Variants in LMNA observed in about 807,000 individuals in gnomAD.
LMNA encodes lamin.
Under a neutral mutation model 70.4 loss-of-function variants are expected in LMNA, and 20 were observed. The ratio of observed to expected loss-of-function variants is 0.28; its 90% confidence interval spans 0.20 to 0.41. The LOEUF (loss-of-function observed/expected upper bound fraction) is 0.41. LMNA is among the 10% of genes least tolerant of loss of function. The pLI is 1.00. For synonymous variants in LMNA, 339 were observed against 372.8 expected (o/e 0.91, Z 1.04); for missense variants, 652 against 917.2 (o/e 0.71, Z 3.73).
intron 1 of LMNA, among the ~76,000 whole-genome samples, chr1:156,122,716 G>A (rs1024224328): frequency 6.6e-6 from 1 of 152,232 alleles, no homozygotes; most frequent in Non-Finnish European, 1.5e-5. Flanking sequence ...CGAAGGCCTA[G>A]GAGAGGCAGA....
At chr1:156,108,276 C>T (rs1169439031) in intron 3 of LMNA, among the ~76,000 whole-genome samples, 1 of 152,106 alleles carries the variant, frequency 6.6e-6, no homozygotes, top group Non-Finnish European at 1.5e-5. Context: ...TTGTTTAATA[C>T]CCTGTAGTCA....
intron 3 of LMNA, among the ~76,000 whole-genome samples, chr1:156,097,770 A>G (rs1444147386): frequency 6.6e-6 from 1 of 152,208 alleles, no homozygotes; most frequent in African/African-American, 2.4e-5. Flanking sequence ...GATACGGAGG[A>G]AAGCTGGCCA....
Position 156,127,464 on chromosome 1 carries a change from G to T in LMNA, c.357-3153G>T, listed in dbSNP as rs558897025. On this transcript the variant is annotated intron_variant, in intron 1 of 11. Transcript: ENST00000368300. ...TCCTTTAATCTCCTCTCTTTGCAGT[G>T]CTAGTCAAAACCTCCACCAGGGAAA... Among the ~76,000 whole-genome samples the T allele has an allele frequency of 2.7e-5, 4 of 149,182 alleles. No individual in the cohort carries two copies. The East Asian group carries it at 7.9e-4, about 29-fold the overall frequency.
chr1:156,131,296 A>T (rs747292396), intron 2 of LMNA, among the ~76,000 whole-genome samples: 60 of 151,474 alleles, frequency 4.0e-4, no homozygotes, highest in Non-Finnish European at 7.8e-4. Context: ...ATAATAATAA[A>T]AATAATCCAG....
chr1:156,088,366 T>A (rs564802588), intron 2 of LMNA, among the ~76,000 whole-genome samples: 1 of 152,336 alleles, frequency 6.6e-6, no homozygotes, highest in Non-Finnish European at 1.5e-5. Flanking sequence ...TAGCATTAAT[T>A]AATTTTAATC....
intron 3 of LMNA, among the ~76,000 whole-genome samples, chr1:156,096,202 G>A (rs1273469564): frequency 6.6e-6 from 1 of 152,118 alleles, no homozygotes; most frequent in Non-Finnish European, 1.5e-5. Context: ...TACACAGCCA[G>A]GGGCTCCCCC....
chr1:156,096,232 AAC>A (rs1421413025), intron 3 of LMNA, among the ~76,000 whole-genome samples: 1 of 152,108 alleles, frequency 6.6e-6, no homozygotes, highest in Non-Finnish European at 1.5e-5. Flanking sequence ...CTCTGCCTGG[AAC>A]ACACTTGCTT....
Position 156,115,712 on chromosome 1 carries a change from G to C in LMNA, c.356+438G>C, listed in dbSNP as rs1649782375. Among the ~76,000 whole-genome samples the C allele has an allele frequency of 6.6e-6, 1 of 152,232 alleles. No individual in the cohort carries two copies. The highest frequency in any genetic ancestry group is 1.5e-5 in the Non-Finnish European group (1 of 68,036). On this transcript the variant is annotated intron_variant, in intron 1 of 11. Coordinates refer to ENST00000368300, the MANE Select transcript of LMNA (RefSeq NM_170707.4). The surrounding 1 kb of genome is among the most constrained non-coding windows in gnomAD (Gnocchi z 5.8). The stretch of plus-strand genomic sequence containing the variant: ...GAACTTTGTTAGCGGGCTTGGCACT[G>C]TGCTAGCTTTGCCCAAGCTGGCTCT...
chr1:156,097,000 G>C (rs1648961749), intron 3 of LMNA, among the ~76,000 whole-genome samples: 1 of 152,222 alleles, frequency 6.6e-6, no homozygotes, highest in Non-Finnish European at 1.5e-5. Flanking sequence ...AACACGGCAG[G>C]GAAGGAAGTG....
chr1:156,138,367 G>T lies in LMNA; in HGVS notation c.1699-121G>T. 8.6e-7 allele frequency: 1 copy of T among 1,162,468 alleles called. No individual in the cohort carries two copies. The highest frequency in any genetic ancestry group is 1.2e-6 in the Non-Finnish European group (1 of 826,402). 72.0% of individuals were successfully genotyped at this position (1,162,468 alleles called of 1,614,324 possible). ...AACCCCCATTGCCCGCTGGCTCCTTGGGCACAGAACCACACCTTCCTGCCT... is the reference window on the plus strand; with the variant it reads ...AACCCCCATTGCCCGCTGGCTCCTTTGGCACAGAACCACACCTTCCTGCCT... On this transcript the variant is annotated intron_variant, in intron 10 of 11. Coordinates refer to ENST00000368300, the MANE Select transcript of LMNA (RefSeq NM_170707.4). This position sits in a 1 kb window ranked among gnomAD's most constrained non-coding sequence, Gnocchi z 5.5.
Position 156,135,130 on chromosome 1 carries a change from C to T in LMNA, c.811-57C>T. 1 of 1,613,216 alleles carries T rather than the reference C, an allele frequency of 6.2e-7. No homozygotes were observed. Among genetic ancestry groups the T allele is most frequent in the South Asian group, 1.1e-5 (1 of 90,934 alleles). ...CTGTAGCAGTGATGCCCAACTCAGG[C>T]CTGTGCCTCCACCCCTCCCAGTCAC... is the stretch of plus-strand genomic sequence containing the variant. On this transcript the variant is annotated intron_variant, in intron 4 of 11. Coordinates refer to ENST00000368300, the MANE Select transcript of LMNA (RefSeq NM_170707.4). The surrounding 1 kb of genome is among the most constrained non-coding windows in gnomAD (Gnocchi z 4.8).
At chr1:156,106,673 C>T (rs1454077468) in intron 3 of LMNA, 1 of 148,668 alleles carries the variant, frequency 6.7e-6, no homozygotes, top group Admixed American at 6.6e-5. Context: ...CCACCGCCCC[C>T]GGCAGCGTTC....
rs769064643 is a variant in LMNA at position 156,136,260 on chromosome 1, G to A, written c.1204G>A (p.Ala402Thr). 6.2e-7 allele frequency: 1 copy of A among 1,611,950 alleles called. No individual in the cohort carries two copies. Among genetic ancestry groups the A allele is most frequent in the South Asian group, 1.1e-5 (1 of 91,058 alleles). The change falls in exon 7 of 12, where the codon GCT (alanine) becomes ACT (threonine). Residue 402 changes from alanine (A) to threonine (T), a missense_variant. Ala to Thr is a moderately conservative substitution (Grantham distance 58). Around this residue, in one of 4 missense-constraint regions of LMNA, gnomAD observed 327 missense variants for 387.6 expected, o/e 0.84. Coordinates refer to ENST00000368300, the MANE Select transcript of LMNA (RefSeq NM_170707.4). This position sits in a 1 kb window ranked among gnomAD's most constrained non-coding sequence, Gnocchi z 6.1. ...SPTSQRSRGR[A>T]SSHSSQTQGG... ...TACCTCGCAGCGCAGCCGTGGCCGT[G>A]CTTCCTCTCACTCATCCCAGACACA...
chr1:156,106,704 A>G (rs1177029548), intron 3 of LMNA: 1 of 100,242 alleles, frequency 1.0e-5, no homozygotes, highest in Admixed American at 1.3e-4. Context: ...ACCTTCCCCC[A>G]GGTGGTGAGG....
chr1:156,094,313 C>T (rs1349333045), intron 3 of LMNA, among the ~76,000 whole-genome samples: 1 of 152,160 alleles, frequency 6.6e-6, no homozygotes, highest in Non-Finnish European at 1.5e-5. Flanking sequence ...CCCACTCATC[C>T]TTCAGACCTG....
At chr1:156,100,510 C>T (rs1298887155) in intron 3 of LMNA, among the ~76,000 whole-genome samples, 1 of 152,050 alleles carries the variant, frequency 6.6e-6, no homozygotes, top group Non-Finnish European at 1.5e-5. Flanking sequence ...GCTCTCTAAA[C>T]AGTAGCTCTC....
Position 156,115,167 on chromosome 1 carries a change from C to T in LMNA, c.249C>T (p.Ala83=), listed in dbSNP as rs746916710. ...CCGGCATCAAGGCCGCCTACGAGGC[C>T]GAGCTCGGGGATGCCCGCAAGACCC... ...EVSGIKAAYE[A]ELGDARKTLD... is the part of the protein sequence containing the mutation. The change falls in exon 1 of 12, where the codon GCC becomes GCT. Residue 83 remains alanine, a synonymous_variant. Coordinates refer to ENST00000368300, the MANE Select transcript of LMNA (RefSeq NM_170707.4). The surrounding 1 kb of genome is among the most constrained non-coding windows in gnomAD (Gnocchi z 5.8). The T allele has an allele frequency of 3.1e-6, 5 of 1,612,366 alleles. No individual in the cohort carries two copies. The South Asian group carries it at 5.5e-5, about 18-fold the overall frequency.
chr1:156,139,815 G>A lies in LMNA; in HGVS notation c.*709G>A, dbSNP rs1651960815. 6.5e-7 allele frequency: 1 copy of A among 1,530,760 alleles called. No individual in the cohort carries two copies. The allele number at this position is 1,530,760 out of a possible 1,614,324, so 94.8% of individuals were successfully genotyped here. A position where few individuals can be genotyped will look rare whatever the true frequency, so the allele number is the denominator to read the frequency against. ...GGGAGGTGGAAGAAGGGAGAAGAAA[G>A]GTGAGTTTGAGCTGCCTTCCCTAGC... On this transcript the variant is annotated 3_prime_UTR_variant, in exon 12 of 12. Transcript: ENST00000368300.
intron 1 of LMNA, among the ~76,000 whole-genome samples, chr1:156,117,969 ATT>A (rs1186679791): frequency 0.093 from 8,589 of 92,124 alleles, 321 homozygotes; most frequent in African/African-American, 0.21. Flanking sequence ...CGCTTGGCTA[ATT>A]TTTTTTTTTT....
Sources: allele counts gnomAD v4.1 joint callset (sites outside exome capture counted in the v4.1 genomes callset), GRCh38; gene constraint gnomAD v4.1.1; regional missense constraint gnomAD v4.1.1; non-coding constraint Gnocchi (gnomAD v3.1); transcripts MANE v1.5; gene names NCBI Gene and HGNC (gene_info 2026-07-23, HGNC 2026-07-21).